PMEPA1: variants seen among roughly 807,000 people sequenced by gnomAD.
PMEPA1 encodes protein TMEPAI.
Under a neutral mutation model 23.0 loss-of-function variants are expected in PMEPA1, and 11 were observed. The observed-to-expected ratio is 0.48, with a 90% CI of 0.30 to 0.79. The LOEUF (loss-of-function observed/expected upper bound fraction) is 0.79. Ranked by LOEUF, PMEPA1 falls within the 30% of genes least tolerant of loss-of-function variation. PMEPA1 has a pLI of 0.06. For synonymous variants in PMEPA1, 204 were observed against 166.4 expected, an observed-to-expected ratio of 1.23 and a Z score of -1.74; for missense variants, 377 against 390.9, an observed-to-expected ratio of 0.96 and a Z score of 0.30.
chr20:57,665,291 G>T (rs1182001054), intron 1 of PMEPA1, among the ~76,000 whole-genome samples: 1 of 152,194 alleles, frequency 6.6e-6, no homozygotes, highest in Non-Finnish European at 1.5e-5. Flanking sequence ...GCAAGGTTGA[G>T]ACTTGAGCCC....
rs1277002468 is a variant in PMEPA1 at position 57,651,700 on chromosome 20, CT to C, written c.*352del. The C allele has an allele frequency of 6.4e-6, 1 of 157,226 alleles. No individual in the cohort carries two copies. Among genetic ancestry groups the C allele is most frequent in the African/African-American group, 2.4e-5 (1 of 41,542 alleles). The allele number at this position is 157,226 out of a possible 1,614,324, so 9.7% of individuals were successfully genotyped here. On this transcript the variant is annotated 3_prime_UTR_variant, in exon 4 of 4. Coordinates refer to ENST00000341744, the MANE Select transcript of PMEPA1 (RefSeq NM_020182.5). ...AAACAAAGGTTTTGTGCAAATATGT[CT>C]TTAAAGTTAAGTGAAATTATCATAA... is the stretch of plus-strand genomic sequence containing the variant.
chr20:57,679,507 T>C (rs2071682701), intron 1 of PMEPA1, among the ~76,000 whole-genome samples: 2 of 152,302 alleles, frequency 1.3e-5, no homozygotes, highest in South Asian at 2.1e-4. Context: ...TTTCAGACAA[T>C]GCGGGAGCCG....
At chr20:57,699,026 G>A (rs1180760464) in intron 1 of PMEPA1, among the ~76,000 whole-genome samples, 3 of 152,206 alleles carry the variant, frequency 2.0e-5, no homozygotes, top group Non-Finnish European at 4.4e-5. Context: ...ATAACTCAGG[G>A]GAATGAAGAA....
intron 1 of PMEPA1, among the ~76,000 whole-genome samples, chr20:57,673,525 G>A (rs1256978065): frequency 1.3e-5 from 2 of 152,186 alleles, no homozygotes; most frequent in South Asian, 4.1e-4. Context: ...GCATGCAGGA[G>A]TCCAGTCTCT....
At chr20:57,681,085 G>T (rs920415222) in intron 1 of PMEPA1, among the ~76,000 whole-genome samples, 1 of 152,184 alleles carries the variant, frequency 6.6e-6, no homozygotes, top group African/African-American at 2.4e-5. Context: ...AGTGCCCCAG[G>T]GCCTGGGAGT....
rs2071335215 is a variant in PMEPA1 at position 57,656,980 on chromosome 20, G to T, written c.264+2563C>A. On this transcript the variant is annotated intron_variant, in intron 2 of 3. Transcript: ENST00000341744. The surrounding 1 kb of genome is among the most constrained non-coding windows in gnomAD (Gnocchi z 4.7). ...CCACATTCTGCTTTAGGCCTAGTGA[G>T]GCTCCACGTTTACCCAGCCAGGCAT... 6.6e-6 allele frequency among the ~76,000 whole-genome samples: 1 copy of T among 152,214 alleles called. No homozygotes were observed. The highest frequency in any genetic ancestry group is 1.5e-5 in the Non-Finnish European group (1 of 68,036).
intron 1 of PMEPA1, among the ~76,000 whole-genome samples, chr20:57,667,591 G>T (rs1001512216): frequency 2.0e-5 from 3 of 152,214 alleles, no homozygotes; most frequent in Non-Finnish European, 2.9e-5. Flanking sequence ...GGGAGGGGCA[G>T]CTGGCGTCCT....
At chr20:57,684,096 T>C (rs926250348) in intron 1 of PMEPA1, among the ~76,000 whole-genome samples, 3 of 152,136 alleles carry the variant, frequency 2.0e-5, no homozygotes, top group Non-Finnish European at 4.4e-5. Flanking sequence ...AGACGCAGTT[T>C]AGGGATCCCA....
Position 57,652,891 on chromosome 20 carries a change from C to G in PMEPA1, c.318+142G>C, listed in dbSNP as rs575878567. 2.6e-6 allele frequency: 2 copies of G among 767,374 alleles called. No homozygotes were observed. Among genetic ancestry groups the G allele is most frequent in the Non-Finnish European group, 4.4e-6 (2 of 451,636 alleles). The allele number at this position is 767,374 out of a possible 1,614,324, so 47.5% of individuals were successfully genotyped here. On this transcript the variant is annotated intron_variant, in intron 3 of 3. Transcript: ENST00000341744. The surrounding 1 kb of genome is among the most constrained non-coding windows in gnomAD (Gnocchi z 6.1). ...TCAGGGGCAGGGAGCAGATGATCTC[C>G]GGCAAGGAGGATCCCAGCAGCAAGG...
chr20:57,703,757 A>G (rs1388569309), intron 1 of PMEPA1, among the ~76,000 whole-genome samples: 1 of 152,072 alleles, frequency 6.6e-6, no homozygotes, highest in Admixed American at 6.5e-5. Flanking sequence ...TCTCATCACT[A>G]GGCACTCTGT....
intron 1 of PMEPA1, among the ~76,000 whole-genome samples, chr20:57,702,409 C>T (rs1173354788): frequency 1.3e-5 from 2 of 152,300 alleles, no homozygotes; most frequent in Non-Finnish European, 2.9e-5. Flanking sequence ...TGACAAGGCA[C>T]GTGTGTTTTG....
intron 1 of PMEPA1, among the ~76,000 whole-genome samples, chr20:57,702,722 C>T (rs577111486): frequency 6.6e-6 from 1 of 152,224 alleles, no homozygotes; most frequent in African/African-American, 2.4e-5. Flanking sequence ...GTATCTTACA[C>T]TCTCTGATCC....
intron 2 of PMEPA1, among the ~76,000 whole-genome samples, chr20:57,658,605 G>A (rs757144818): frequency 6.6e-6 from 1 of 152,164 alleles, no homozygotes; most frequent in Admixed American, 6.5e-5. Context: ...TGAATCTCTG[G>A]GGAGGTGGAT....
intron 1 of PMEPA1, among the ~76,000 whole-genome samples, chr20:57,681,449 C>G (rs2071712081): frequency 6.6e-6 from 1 of 152,170 alleles, no homozygotes; most frequent in African/African-American, 2.4e-5. Context: ...CGAGAGACCT[C>G]TCTAGGGTGT....
intron 1 of PMEPA1, among the ~76,000 whole-genome samples, chr20:57,707,554 C>T (rs1229572644): frequency 6.6e-6 from 1 of 151,842 alleles, no homozygotes; most frequent in African/African-American, 2.4e-5. Context: ...GTGCAGAGGG[C>T]GGCGGCAAGG....
intron 1 of PMEPA1, among the ~76,000 whole-genome samples, chr20:57,695,221 C>T (rs1264965094): frequency 3.3e-5 from 5 of 152,234 alleles, no homozygotes; most frequent in African/African-American, 1.2e-4. Context: ...CCAGGTGAGG[C>T]GGGCAGGCGG....
intron 1 of PMEPA1, among the ~76,000 whole-genome samples, chr20:57,694,758 T>A (rs574183625): frequency 6.1e-4 from 93 of 152,348 alleles, no homozygotes; most frequent in South Asian, 2.9e-3. Flanking sequence ...GTGCTGTGCC[T>A]GGCACATGGT....
upstream of PMEPA1, chr20:57,711,320 T>C (rs2072177927): frequency 6.6e-6 from 1 of 152,224 alleles, no homozygotes; most frequent in Admixed American, 6.5e-5. Flanking sequence ...GGGGTAGAAC[T>C]TACCTAGACC....
intron 2 of PMEPA1, among the ~76,000 whole-genome samples, chr20:57,654,470 G>T (rs919896091): frequency 3.3e-5 from 5 of 151,974 alleles, no homozygotes; most frequent in Non-Finnish European, 5.9e-5. Flanking sequence ...GAGGCTCTGT[G>T]GCCCCTCAAA....
Sources: gnomAD v4.1 joint callset for allele counts (sites outside exome capture counted in the v4.1 genomes callset) on GRCh38, gnomAD v4.1.1 for gene constraint, Gnocchi (gnomAD v3.1) non-coding constraint, MANE v1.5 for transcripts, NCBI Gene and HGNC (gene_info 2026-07-23, HGNC 2026-07-21) for gene names.